The following SWT1 variants were observed in gnomAD, a reference collection of about 807,000 sequenced individuals.
SWT1 encodes transcriptional protein SWT1.
In SWT1, 33 loss-of-function variants were observed where a neutral mutation model predicts 107.3. The observed-to-expected ratio is 0.31, with a 90% confidence interval of 0.23 to 0.41. SWT1 has a LOEUF of 0.41. Among genes scored for constraint, SWT1 ranks in the 10% least tolerant of loss-of-function variants. SWT1 has a pLI of 1.00. For synonymous variants in SWT1, 345 were observed against 348.3 expected (o/e 0.99, Z 0.11); for missense variants, 898 against 1,028.9 (o/e 0.87, Z 1.74).
At chr1:185,187,163 C>T (rs1285567457) in intron 9 of SWT1, among the ~76,000 whole-genome samples, 3 of 149,804 alleles carry the variant, frequency 2.0e-5, no homozygotes. Context: ...CCTTCAAGAG[C>T]TTCTCGTGCC....
intron 5 of SWT1, among the ~76,000 whole-genome samples, chr1:185,176,286 CAAAAAAAA>C (rs71101962): frequency 1.1e-4 from 5 of 47,258 alleles, no homozygotes; most frequent in Non-Finnish European, 1.1e-4. Flanking sequence ...ACCTTGTCTC[CAAAAAAAA>C]AAAAAAAAAA....
chr1:185,206,593 G>C, intron 12 of SWT1, 32 bp from the exon 13 acceptor site: 1 of 1,344,258 alleles, frequency 7.4e-7, no homozygotes, highest in Non-Finnish European at 9.9e-7. Flanking sequence ...AATAAATCTA[G>C]AGATGTTAAT....
At chr1:185,184,429 GA>G in intron 8 of SWT1, 85 bp downstream of exon 8, 1 of 803,002 alleles carries the variant, frequency 1.2e-6, no homozygotes, top group Non-Finnish European at 2.1e-6. Context: ...TTTTTGCCAT[GA>G]ACATGTCTCC....
At chr1:185,281,958 G>T (rs1010469832) in intron 18 of SWT1, 6 of 152,222 alleles carry the variant, frequency 3.9e-5, no homozygotes, top group African/African-American at 7.2e-5. Context: ...CCTTGCTGTG[G>T]CATTACATGG....
At chr1:185,179,296 T>C (rs1304917212) in intron 5 of SWT1, among the ~76,000 whole-genome samples, 2 of 152,112 alleles carry the variant, frequency 1.3e-5, no homozygotes, top group Non-Finnish European at 2.9e-5. Flanking sequence ...GTGTTTGTAG[T>C]TCATACCAGA....
At chr1:185,173,094 A>G (rs1342904421) in intron 4 of SWT1, among the ~76,000 whole-genome samples, 2 of 151,204 alleles carry the variant, frequency 1.3e-5, no homozygotes, top group African/African-American at 2.4e-5. Flanking sequence ...TATTATTAGC[A>G]TGTCTGTGAT....
At chr1:185,243,949 G>A (rs1275031545) in intron 16 of SWT1, among the ~76,000 whole-genome samples, 1 of 152,056 alleles carries the variant, frequency 6.6e-6, no homozygotes, top group Non-Finnish European at 1.5e-5. Context: ...AAAAATGTCA[G>A]CAGTTTTGTA....
intron 6 of SWT1, 82 bp from the exon 7 acceptor site, chr1:185,181,864 T>C: frequency 6.8e-7 from 1 of 1,471,216 alleles, no homozygotes; most frequent in Non-Finnish European, 9.3e-7. Flanking sequence ...CTCAAGTGAA[T>C]TAATTAAGAA....
intron 16 of SWT1, among the ~76,000 whole-genome samples, chr1:185,249,681 CG>C (rs1447050473): frequency 6.6e-6 from 1 of 152,050 alleles, no homozygotes; most frequent in African/African-American, 2.4e-5. Flanking sequence ...TCTCAACATT[CG>C]TGTTCCAAAA....
At chr1:185,279,150 A>G (rs1664449876) in intron 18 of SWT1, among the ~76,000 whole-genome samples, 2 of 152,252 alleles carry the variant, frequency 1.3e-5, no homozygotes, top group African/African-American at 4.8e-5. Context: ...GGTTTTACTC[A>G]TATAGATTTT....
chr1:185,164,359 A>C (rs1024664216), intron 2 of SWT1, among the ~76,000 whole-genome samples: 1 of 152,194 alleles, frequency 6.6e-6, no homozygotes, highest in Non-Finnish European at 1.5e-5. Context: ...ATTGGCTTCA[A>C]CTGAAAGTCA....
chr1:185,230,730 T>TTG (rs139516173), intron 15 of SWT1, among the ~76,000 whole-genome samples: 8,575 of 149,400 alleles, frequency 0.057, 551 homozygotes, highest in East Asian at 0.19. Flanking sequence ...GTTTGGTGTT[T>TTG]TGTGTGTGTG....
chr1:185,163,179 A>G (rs1571384405), intron 2 of SWT1, among the ~76,000 whole-genome samples: 1 of 152,098 alleles, frequency 6.6e-6, no homozygotes, highest in East Asian at 1.9e-4. Flanking sequence ...CTTTCACAAA[A>G]GATTGATCTC....
rs1656060636 is a variant in SWT1 at position 185,182,020 on chromosome 1, G to A, written c.1101G>A (p.Met367Ile). 1 of 1,613,478 alleles carries A rather than the reference G, an allele frequency of 6.2e-7. No homozygotes were observed. The highest frequency in any genetic ancestry group is 2.2e-5 in the East Asian group (1 of 44,816). Residue 367 changes from methionine (M) to isoleucine (I), a missense_variant, in exon 7 of 19, where the codon ATG (methionine) becomes ATA (isoleucine). Physicochemically the swap from Met to Ile is conservative, Grantham distance 10 (BLOSUM62 1). Transcript: ENST00000367500. Reference protein sequence around the residue: ...SVDLPGELMSMEIDLEDDVHS... With the variant: ...SVDLPGELMSIEIDLEDDVHS... ...ATTTACCTGGAGAGTTAATGAGTAT[G>A]GAAATTGACTTAGAAGATGATGTAC...
chr1:185,222,197 TTTAAGTG>T (rs1362324389), intron 15 of SWT1, among the ~76,000 whole-genome samples, 161 bp downstream of exon 15: 1 of 152,118 alleles, frequency 6.6e-6, no homozygotes, highest in Non-Finnish European at 1.5e-5. Context: ...CCTCATGCAT[TTTAAGTG>T]TTAAGTGAAA....
chr1:185,257,626 G>A lies in SWT1; in HGVS notation c.2442-13697G>A, dbSNP rs552453492. ...CGCTTCCCAAGTGAGGCAATGCCTC[G>A]CCCTGCTTCGGCTCGCACATGGTGC... On this transcript the variant is annotated intron_variant, in intron 16 of 18. Transcript: ENST00000367500. Among the ~76,000 whole-genome samples, 21 of 152,214 alleles carry A rather than the reference G, an allele frequency of 1.4e-4. No homozygotes were observed. In the East Asian group the frequency reaches 3.7e-3, roughly 27 times the overall value.
At chr1:185,180,551 A>G (rs1340926111) in intron 6 of SWT1, 101 bp downstream of exon 6, 2 of 811,698 alleles carry the variant, frequency 2.5e-6, no homozygotes, top group East Asian at 2.6e-5. Flanking sequence ...TAATATGAAA[A>G]TAACAATGAT....
chr1:185,282,044 C>T (rs1394109301), intron 18 of SWT1, among the ~76,000 whole-genome samples: 1 of 152,108 alleles, frequency 6.6e-6, no homozygotes, highest in Non-Finnish European at 1.5e-5. Context: ...ATGTAATAGT[C>T]AGCTCTGGCT....
intron 13 of SWT1, among the ~76,000 whole-genome samples, chr1:185,212,091 G>A (rs1470345269): frequency 6.6e-6 from 1 of 152,022 alleles, no homozygotes; most frequent in Admixed American, 6.6e-5. Context: ...AGCATTAGGA[G>A]ATATACCTAA....
Sources: allele counts gnomAD v4.1 joint callset (sites outside exome capture counted in the v4.1 genomes callset), GRCh38; gene constraint gnomAD v4.1.1; transcripts MANE v1.5; gene names NCBI Gene and HGNC (gene_info 2026-07-23, HGNC 2026-07-21).